The following ODAD2 variants were observed in gnomAD, a reference collection of about 807,000 sequenced individuals.
ODAD2 encodes the protein outer dynein arm docking complex subunit 2.
A neutral mutation model predicts 106.8 loss-of-function variants in ODAD2; 89 were observed. The observed-to-expected ratio is 0.83, with a 90% CI of 0.70 to 0.99. The LOEUF is 0.99. ODAD2 is among the 50% of genes least tolerant of loss of function. The probability of loss-of-function intolerance (pLI) is 0.00; values close to 1 mark genes in which losing one functional copy is unlikely to be tolerated. For synonymous variants in ODAD2, 404 were observed against 436.2 expected, an observed-to-expected ratio of 0.93 and a Z score of 0.92; for missense variants, 1,168 against 1,238.5, an observed-to-expected ratio of 0.94 and a Z score of 0.85.
At chr10:27,840,644 G>A (rs1289090453) in intron 19 of ODAD2, among the ~76,000 whole-genome samples, 2 of 152,178 alleles carry the variant, frequency 1.3e-5, no homozygotes, top group Non-Finnish European at 2.9e-5. Context: ...CTAGATCCAG[G>A]AGAAGCAGTA....
intron 19 of ODAD2, among the ~76,000 whole-genome samples, chr10:27,833,065 T>C (rs1027896222): frequency 6.6e-6 from 1 of 152,226 alleles, no homozygotes; most frequent in African/African-American, 2.4e-5. Flanking sequence ...TGCCTGGCCG[T>C]GCTTTTTGAA....
intron 8 of ODAD2, among the ~76,000 whole-genome samples, chr10:27,969,374 G>A (rs917284122): frequency 1.3e-5 from 2 of 152,382 alleles, no homozygotes; most frequent in South Asian, 2.1e-4. Flanking sequence ...AACAGGGCCT[G>A]CACCTGGTTT....
At chr10:27,936,944 A>T (rs1846025364) in intron 14 of ODAD2, 64 bp from the exon 15 acceptor site, 1 of 1,510,628 alleles carries the variant, frequency 6.6e-7, no homozygotes, top group African/African-American at 1.4e-5. Context: ...AATGATGCTA[A>T]AAAGGCTGCC....
In ODAD2 at chr10:27,971,656, A is replaced by G. The variant is rs191266943; in HGVS notation, c.937-343T>C. On this transcript the variant is annotated intron_variant, in intron 7 of 19. Transcript: ENST00000305242. The stretch of plus-strand genomic sequence containing the variant: ...GGCTTGAACCAAAGATAAAGGGAAC[A>G]TCTTGAAGGTAGACAGGTATGACAT... Among the ~76,000 whole-genome samples the G allele has an allele frequency of 1.5e-3, 233 of 152,344 alleles. 1 individual carries two copies. The highest frequency in any genetic ancestry group is 4.9e-3 in the African/African-American group (205 of 41,586).
At chr10:27,840,915 G>T (rs1838261459) in intron 19 of ODAD2, among the ~76,000 whole-genome samples, 1 of 152,204 alleles carries the variant, frequency 6.6e-6, no homozygotes, top group Admixed American at 6.5e-5. Context: ...TCGAGCTAAA[G>T]CTTCCCAGTC....
intron 19 of ODAD2, chr10:27,813,498 T>C (rs1307335629): frequency 6.6e-6 from 1 of 152,220 alleles, no homozygotes; most frequent in Non-Finnish European, 1.5e-5. Context: ...ATTAGAACAT[T>C]TAAAATCTAG....
intron 19 of ODAD2, among the ~76,000 whole-genome samples, chr10:27,821,933 T>C (rs1836646318): frequency 6.6e-6 from 1 of 152,224 alleles, no homozygotes; most frequent in African/African-American, 2.4e-5. Context: ...GTTTCATATA[T>C]ACACTGAAGG....
chr10:27,907,641 C>T (rs1843692244), intron 17 of ODAD2, 22 bp downstream of exon 17: 1 of 1,546,906 alleles, frequency 6.5e-7, no homozygotes, highest in South Asian at 1.1e-5. Flanking sequence ...CTAGAAGAGA[C>T]TGACTTGCAG....
intron 17 of ODAD2, among the ~76,000 whole-genome samples, chr10:27,871,552 C>A (rs924656100): frequency 3.3e-5 from 5 of 152,168 alleles, no homozygotes; most frequent in Admixed American, 3.3e-4. Context: ...AGGAAGGGAT[C>A]CAGTTTCACC....
At chr10:27,885,640 T>TATATATAATATATAATATATAAA (rs1564465763) in intron 17 of ODAD2, among the ~76,000 whole-genome samples, 5 of 44,896 alleles carry the variant, frequency 1.1e-4, no homozygotes, top group African/African-American at 4.0e-4. Flanking sequence ...AAATATATAT[T>TATATATAATATATAATATATAAA]ATATATATTA....
intron 14 of ODAD2, among the ~76,000 whole-genome samples, chr10:27,938,890 C>T (rs996631995): frequency 2.0e-5 from 3 of 151,926 alleles, no homozygotes; most frequent in Non-Finnish European, 2.9e-5. Flanking sequence ...ACTGCAGGGC[C>T]GGGTACAGCC....
chr10:27,967,432 G>A lies in ODAD2; in HGVS notation c.1238+1491C>T, dbSNP rs554357702. On this transcript the variant is annotated intron_variant, in intron 9 of 19. Transcript: ENST00000305242. ...TGGTATCAGCAGAGGCATAGGTGGA[G>A]CATGAACTCCCACTACCCTCCAGAA... Among the ~76,000 whole-genome samples, 242 of 152,356 alleles carry A rather than the reference G, an allele frequency of 1.6e-3. 1 individual carries two copies. The highest frequency in any genetic ancestry group is 5.9e-3 in the Admixed American group (91 of 15,300).
At chr10:27,860,941 C>G in intron 18 of ODAD2, 95 bp from the exon 19 acceptor site, 1 of 1,059,636 alleles carries the variant, frequency 9.4e-7, no homozygotes, top group Non-Finnish European at 1.4e-6. Context: ...ATTAAGACAC[C>G]AATGAGTCTA....
In ODAD2 at chr10:27,935,233, T is replaced by C. The variant is rs143059966; in HGVS notation, c.2272A>G (p.Ile758Val). The change falls in exon 16 of 20, where the codon ATT becomes GTT. Residue 758 changes from isoleucine (I) to valine (V), a missense_variant. By Grantham distance (29) the Ile-to-Val change is conservative. Transcript: ENST00000305242. Reference sequence around the variant, plus strand: ...GTTAGAAGTCCCACCAAGGTTTCAATGGCTTTGTATTCCCGAAACCTAAGT... The same window carrying C: ...GTTAGAAGTCCCACCAAGGTTTCAACGGCTTTGTATTCCCGAAACCTAAGT... ...NVTKFREYKA[I>V]ETLVGLLTDQ... 125 of 1,613,896 alleles carry C rather than the reference T, an allele frequency of 7.7e-5. No individual in the cohort carries two copies. The African/African-American group carries it at 1.3e-3, about 16-fold the overall frequency.
At chr10:27,958,716 C>G in intron 10 of ODAD2, 1 of 547,852 alleles carries the variant, frequency 1.8e-6, no homozygotes, top group Non-Finnish European at 2.8e-6. Context: ...CTACTTTGTG[C>G]TAAGCACTTT....
chr10:27,847,151 G>A (rs1367134153), intron 19 of ODAD2, among the ~76,000 whole-genome samples: 1 of 152,144 alleles, frequency 6.6e-6, no homozygotes, highest in Non-Finnish European at 1.5e-5. Flanking sequence ...TATCCCTGAT[G>A]AACATTGATG....
intron 10 of ODAD2, chr10:27,957,137 G>A (rs1357428175): frequency 6.6e-6 from 1 of 151,972 alleles, no homozygotes; most frequent in African/African-American, 2.4e-5. Context: ...TTTGGCCAGA[G>A]GAAAAAATAA....
intron 19 of ODAD2, among the ~76,000 whole-genome samples, chr10:27,843,512 T>A (rs1838469066): frequency 6.6e-6 from 1 of 152,198 alleles, no homozygotes; most frequent in Admixed American, 6.5e-5. Flanking sequence ...ACGCCTGTAA[T>A]TCCAGCACTT....
At chr10:27,952,727 T>C (rs559341010) in intron 10 of ODAD2, among the ~76,000 whole-genome samples, 3 of 152,294 alleles carry the variant, frequency 2.0e-5, no homozygotes, top group East Asian at 3.9e-4. Flanking sequence ...ATAAGGGTCT[T>C]CTGTTTATTT....
Sources: allele counts gnomAD v4.1 joint callset (sites outside exome capture counted in the v4.1 genomes callset), GRCh38; gene constraint gnomAD v4.1.1; transcripts MANE v1.5; gene names NCBI Gene and HGNC (gene_info 2026-07-23, HGNC 2026-07-21).